Variants in LRRC27 observed in about 807,000 individuals in gnomAD.
LRRC27 encodes the protein leucine-rich repeat-containing protein 27.
LRRC27 carries 57 observed loss-of-function variants against 55.0 expected under a neutral mutation model. That is an observed-to-expected ratio of 1.04 (90% CI 0.84 to 1.29). The LOEUF (loss-of-function observed/expected upper bound fraction) is 1.29. Ranked by LOEUF, LRRC27 falls within the 50% of genes most tolerant of loss-of-function variation. The probability of loss-of-function intolerance (pLI) is 0.00; values close to 1 mark genes in which losing one functional copy is unlikely to be tolerated. For synonymous variants in LRRC27, 278 were observed against 251.9 expected (o/e 1.10, Z -0.98); for missense variants, 721 against 651.5 (o/e 1.11, Z -1.16).
At chr10:132,347,937 G>A in intron 5 of LRRC27, 47 bp from the exon 6 acceptor site, 1 of 1,538,660 alleles carries the variant, frequency 6.5e-7, no homozygotes, top group Non-Finnish European at 8.7e-7. Flanking sequence ...AAGTCACAGA[G>A]GGATGGCGTT....
intron 9 of LRRC27, among the ~76,000 whole-genome samples, chr10:132,361,929 C>A (rs976165793): frequency 6.6e-6 from 1 of 152,172 alleles, no homozygotes; most frequent in African/African-American, 2.4e-5. Flanking sequence ...CCGTGCCCTC[C>A]CCACCTCACC....
At chr10:132,364,463 A>ACACTTACATCTACCTCCACG (rs2068862710) in intron 9 of LRRC27, among the ~76,000 whole-genome samples, 1 of 132,066 alleles carries the variant, frequency 7.6e-6, no homozygotes, top group African/African-American at 3.0e-5. Context: ...ACTCACACCC[A>ACACTTACATCTACCTCCACG]CCCACACTTA....
Position 132,364,461 on chromosome 10 carries a change from C to CCACCCTTACATCTACCTCCA in LRRC27, c.1290-958_1290-957insTTACATCTACCTCCACACCC, listed in dbSNP as rs1564853485. On this transcript the variant is annotated intron_variant, in intron 9 of 10. Transcript: ENST00000368614. Reference sequence around the variant, plus strand: ...TCTACCTCCACACCCACACTCACACCCACCCACACTTACACCCACCCACAC... The same window carrying CCACCCTTACATCTACCTCCA: ...TCTACCTCCACACCCACACTCACACCCACCCTTACATCTACCTCCACACCCACACTTACACCCACCCACAC... Among the ~76,000 whole-genome samples, 24 of 67,238 alleles carry CCACCCTTACATCTACCTCCA rather than the reference C, an allele frequency of 3.6e-4. 4 individuals carry two copies. The highest frequency in any genetic ancestry group is 1.1e-3 in the African/African-American group (18 of 16,934). The allele number at this position is 67,238 out of a possible 152,430, so 44.1% of individuals were successfully genotyped here.
At chr10:132,331,560 G>A (rs1458939329), upstream of LRRC27, 25 of 1,612,840 alleles carry the variant, frequency 1.6e-5, no homozygotes, top group Non-Finnish European at 2.0e-5. Flanking sequence ...AGCAGCTCCT[G>A]TGGGAAGTGG....
At position 132,351,445 on chromosome 10, in the gene LRRC27, A is replaced by T. The variant is rs901399434; in HGVS notation, c.927-162A>T. On this transcript the variant is annotated intron_variant, in intron 6 of 10. Transcript: ENST00000368614. ...CATCTTCATTACGTGTCCTGAAATC[A>T]ACAGTCAAGACTGGACTCTGGGGTG... is the stretch of plus-strand genomic sequence containing the variant. The T allele has an allele frequency of 5.1e-6, 4 of 780,078 alleles. No individual in the cohort carries two copies. In the African/African-American group the frequency reaches 6.9e-5, roughly 14 times the overall value. 48.3% of individuals were successfully genotyped at this position (780,078 alleles called of 1,614,324 possible).
rs1454022783 is a variant in LRRC27 at position 132,379,696 on chromosome 10, C to T, written c.*4454C>T. 1 of 151,992 alleles carries T rather than the reference C, an allele frequency of 6.6e-6. No homozygotes were observed. The highest frequency in any genetic ancestry group is 6.6e-5 in the Admixed American group (1 of 15,258). 9.4% of individuals were successfully genotyped at this position (151,992 alleles called of 1,614,324 possible). On this transcript the variant is annotated 3_prime_UTR_variant, in exon 11 of 11. Transcript: ENST00000368614. ...GTTGAAATTCTCCATCTTTTCATTT[C>T]CTTTATATCTCTTTTCTTCTTTTTT...
rs368110187 is a variant in LRRC27, at chr10:132,365,565, G to C, written c.1416+15G>C. ...ATCTGGAAATTGTAAGGATTTCTTG[G>C]TTCTGTTTAAAAAAGTGTGGGGTGT... On this transcript the variant is annotated intron_variant, in intron 10 of 10. Coordinates refer to ENST00000368614, the MANE Select transcript of LRRC27 (RefSeq NM_030626.3). The C allele has an allele frequency of 5.6e-6, 9 of 1,610,536 alleles. No homozygotes were observed. Among genetic ancestry groups the C allele is most frequent in the Non-Finnish European group, 7.6e-6 (9 of 1,179,256 alleles).
chr10:132,344,793 A>G, intron 5 of LRRC27, 143 bp downstream of exon 5: 1 of 821,466 alleles, frequency 1.2e-6, no homozygotes, highest in South Asian at 2.2e-5. Flanking sequence ...CACAGTGTAC[A>G]CTGATCTCAG....
rs1484474448 is a variant in LRRC27, at chr10:132,377,332, GA to G, written c.*2091del. ...TCTTCTTTTGCTGCTTTCTGATAGTGATCAATTTTTTTATTTATATCTCTTG... is the reference window on the plus strand; with the variant it reads ...TCTTCTTTTGCTGCTTTCTGATAGTGTCAATTTTTTTATTTATATCTCTTG... On this transcript the variant is annotated 3_prime_UTR_variant, in exon 11 of 11. Transcript: ENST00000368614. The G allele has an allele frequency of 6.6e-6, 1 of 152,158 alleles. No homozygotes were observed. The highest frequency in any genetic ancestry group is 1.5e-5 in the Non-Finnish European group (1 of 68,016). 9.4% of individuals were successfully genotyped at this position (152,158 alleles called of 1,614,324 possible).
rs772658027 is a variant in LRRC27 at position 132,372,552 on chromosome 10, G to A, written c.1417-2514G>A. The stretch of plus-strand genomic sequence containing the variant: ...CATCGCACTCCAGCCTGGGCAACAA[G>A]AGCGAAACTCCATTTCAAAAAACAA... On this transcript the variant is annotated intron_variant, in intron 10 of 10. Transcript: ENST00000368614. The surrounding 1 kb of genome is among the most constrained non-coding windows in gnomAD (Gnocchi z 4.0). Among the ~76,000 whole-genome samples the A allele has an allele frequency of 2.0e-5, 3 of 152,178 alleles. No individual in the cohort carries two copies. In the South Asian group the frequency reaches 6.2e-4, roughly 31 times the overall value.
At chr10:132,333,392 C>T in intron 1 of LRRC27, 85 bp from the exon 2 acceptor site, 1 of 508,142 alleles carries the variant, frequency 2.0e-6, no homozygotes, top group Non-Finnish European at 3.2e-6. Flanking sequence ...AAGCAAGTTA[C>T]ATTACAGTAG....
rs370119128 is a variant in LRRC27 at position 132,352,045 on chromosome 10, C to T, written c.1073+292C>T. ...CGCTGAGGCCTCCGTGTGGGGCAGG[C>T]GCTGAGGCCTCCGTGTGGGGCAGGC... On this transcript the variant is annotated intron_variant, in intron 7 of 10. Transcript: ENST00000368614. Among the ~76,000 whole-genome samples the T allele has an allele frequency of 0.049, 4,473 of 92,128 alleles. 72 individuals are homozygous for T. Among genetic ancestry groups the T allele is most frequent in the East Asian group, 0.15 (343 of 2,244 alleles). The allele number at this position is 92,128 out of a possible 152,430, so 60.4% of individuals were successfully genotyped here.
At chr10:132,363,970 G>A (rs2068775669) in intron 9 of LRRC27, among the ~76,000 whole-genome samples, 1 of 151,932 alleles carries the variant, frequency 6.6e-6, no homozygotes, top group Admixed American at 6.6e-5. Context: ...AAACCATTTC[G>A]TCTCAAACAT....
At chr10:132,360,837 C>G (rs564446906) in intron 8 of LRRC27, among the ~76,000 whole-genome samples, 14 of 152,330 alleles carry the variant, frequency 9.2e-5, no homozygotes, top group African/African-American at 3.1e-4. Flanking sequence ...TTTTTGTCAT[C>G]CGTTGGTTTC....
upstream of LRRC27, among the ~76,000 whole-genome samples, chr10:132,331,013 C>T (rs1341054773): frequency 2.0e-5 from 3 of 150,660 alleles, no homozygotes. Context: ...CCAGCCTGGC[C>T]AACATGATGA....
At chr10:132,338,638 C>T (rs1269161232) in intron 3 of LRRC27, among the ~76,000 whole-genome samples, 2 of 152,164 alleles carry the variant, frequency 1.3e-5, no homozygotes, top group South Asian at 2.1e-4. Context: ...TCTGTGCCCA[C>T]ATCCCCGGCG....
chr10:132,368,159 A>G (rs915183283), intron 10 of LRRC27, among the ~76,000 whole-genome samples: 5 of 152,226 alleles, frequency 3.3e-5, no homozygotes, highest in Non-Finnish European at 5.9e-5. Flanking sequence ...TACAAAATCT[A>G]TATGAGGAAA....
At chr10:132,365,033 T>G (rs536776123) in intron 9 of LRRC27, among the ~76,000 whole-genome samples, 1 of 152,400 alleles carries the variant, frequency 6.6e-6, no homozygotes, top group African/African-American at 2.4e-5. Context: ...TCTGTTTGTC[T>G]GTTTAAGGAT....
intron 6 of LRRC27, among the ~76,000 whole-genome samples, chr10:132,349,441 A>G (rs896541085): frequency 1.3e-5 from 2 of 152,214 alleles, no homozygotes; most frequent in African/African-American, 4.8e-5. Context: ...AGGATGTCCT[A>G]GCAGCACACA....
Sources: allele counts gnomAD v4.1 joint callset (sites outside exome capture counted in the v4.1 genomes callset), GRCh38; gene constraint gnomAD v4.1.1; non-coding constraint Gnocchi (gnomAD v3.1); transcripts MANE v1.5; gene names NCBI Gene and HGNC (gene_info 2026-07-23, HGNC 2026-07-21).